WDR25: variants seen among roughly 807,000 people sequenced by gnomAD.
The protein encoded by WDR25 is WD repeat-containing protein 25.
WDR25 carries 35 observed loss-of-function variants against 47.7 expected under a neutral mutation model. The observed-to-expected ratio is 0.73, with a 90% CI of 0.56 to 0.97. The LOEUF (loss-of-function observed/expected upper bound fraction) is 0.97. Among genes scored for constraint, WDR25 ranks in the 50% least tolerant of loss-of-function variants. The probability of loss-of-function intolerance (pLI) is 0.00; values close to 1 mark genes in which losing one functional copy is unlikely to be tolerated. For missense variants in WDR25, 634 were observed against 704.7 expected, an observed-to-expected ratio of 0.90 and a Z score of 1.14; for synonymous variants, 248 against 278.9, an observed-to-expected ratio of 0.89 and a Z score of 1.10.
rs1437548388 is a variant in WDR25, at chr14:100,381,086, A to G, written c.162A>G (p.Thr54=). The G allele has an allele frequency of 6.2e-7, 1 of 1,614,202 alleles. No individual in the cohort carries two copies. Among genetic ancestry groups the G allele is most frequent in the South Asian group, 1.1e-5 (1 of 91,086 alleles). Residue 54 remains threonine, a synonymous_variant, in exon 2 of 7, where the codon ACA becomes ACG. Coordinates refer to ENST00000402312, the MANE Select transcript of WDR25 (RefSeq NM_001161476.3). The part of the protein sequence containing the change: ...RPPGQDFASG[T]LDVPKAGAQP... ...CTGGGCAGGATTTTGCATCTGGTACACTGGATGTGCCCAAAGCAGGGGCAC... is the reference window on the plus strand; with the variant it reads ...CTGGGCAGGATTTTGCATCTGGTACGCTGGATGTGCCCAAAGCAGGGGCAC...
chr14:100,481,673 C>T (rs1278668152), intron 3 of WDR25, among the ~76,000 whole-genome samples: 1 of 152,078 alleles, frequency 6.6e-6, no homozygotes, highest in African/African-American at 2.4e-5. Flanking sequence ...CTTCTATTCC[C>T]TTGTTTTTTA....
chr14:100,413,571 G>A lies in WDR25; in HGVS notation c.822+31825G>A, dbSNP rs186307582. The stretch of plus-strand genomic sequence containing the variant: ...TGGGACTACAGGCGCCCACCACCAC[G>A]CCCGGCTAATTTTTTGTATTTTTAG... On this transcript the variant is annotated intron_variant, in intron 2 of 6. Coordinates refer to ENST00000402312, the MANE Select transcript of WDR25 (RefSeq NM_001161476.3). Among the ~76,000 whole-genome samples the A allele has an allele frequency of 6.5e-3, 981 of 152,016 alleles. 7 individuals carry two copies. The highest frequency in any genetic ancestry group is 0.011 in the Non-Finnish European group (733 of 67,972).
At chr14:100,510,066 G>A (rs1199476268) in intron 4 of WDR25, among the ~76,000 whole-genome samples, 2 of 151,186 alleles carry the variant, frequency 1.3e-5, no homozygotes, top group Non-Finnish European at 3.0e-5. Context: ...AGGTCAGGAG[G>A]TCGAGACCAG....
chr14:100,465,600 A>T (rs1899603091), intron 2 of WDR25, among the ~76,000 whole-genome samples: 1 of 152,208 alleles, frequency 6.6e-6, no homozygotes, highest in South Asian at 2.1e-4. Flanking sequence ...TTTACAATTC[A>T]TTCATCCATC....
At chr14:100,409,409 A>C (rs1897639879) in intron 2 of WDR25, among the ~76,000 whole-genome samples, 1 of 152,028 alleles carries the variant, frequency 6.6e-6, no homozygotes, top group Non-Finnish European at 1.5e-5. Context: ...CTATGTCACC[A>C]TGCAGAGGAC....
chr14:100,465,120 C>G (rs1899584032), intron 2 of WDR25, among the ~76,000 whole-genome samples: 2 of 152,076 alleles, frequency 1.3e-5, no homozygotes, highest in South Asian at 4.1e-4. Flanking sequence ...GTTTTTATAG[C>G]CTGGCTACAA....
At chr14:100,379,219 CA>C (rs1184324841) in intron 1 of WDR25, among the ~76,000 whole-genome samples, 2 of 152,134 alleles carry the variant, frequency 1.3e-5, no homozygotes, top group Non-Finnish European at 2.9e-5. Context: ...ATACATCTAG[CA>C]AACATATGCT....
chr14:100,396,701 G>A (rs1393775863), intron 2 of WDR25, among the ~76,000 whole-genome samples: 3 of 152,236 alleles, frequency 2.0e-5, no homozygotes, highest in Non-Finnish European at 1.5e-5. Flanking sequence ...GATCATAGGA[G>A]AGGCCAGGGG....
In WDR25 at chr14:100,424,535, T is replaced by G. The variant is rs945106888; in HGVS notation, c.822+42789T>G. ...ACCTGGGAGCAGGCCCCACACCAGG[T>G]GTGACATGCCTGTGCTCAGCCAAGG... On this transcript the variant is annotated intron_variant, in intron 2 of 6. Transcript: ENST00000402312. The surrounding 1 kb of genome is among the most constrained non-coding windows in gnomAD (Gnocchi z 4.2). 1.3e-5 allele frequency among the ~76,000 whole-genome samples: 2 copies of G among 152,154 alleles called. No homozygotes were observed. The highest frequency in any genetic ancestry group is 4.8e-5 in the African/African-American group (2 of 41,424).
chr14:100,486,720 G>A (rs543837560), intron 4 of WDR25, among the ~76,000 whole-genome samples: 11 of 152,344 alleles, frequency 7.2e-5, no homozygotes, highest in Non-Finnish European at 1.5e-4. Flanking sequence ...GGGCGTGTAT[G>A]TGAACATCCA....
intron 1 of WDR25, among the ~76,000 whole-genome samples, chr14:100,377,314 T>TTGTTGTTGTTGTTG (rs1419670298): frequency 5.7e-4 from 64 of 111,558 alleles, no homozygotes; most frequent in Middle Eastern, 4.6e-3. Context: ...TGTTGTTGTT[T>TTGTTGTTGTTGTTG]TTTGAGACCA....
In WDR25 at chr14:100,404,354, C is replaced by T. The variant is rs1897470246; in HGVS notation, c.822+22608C>T. 6.6e-6 allele frequency among the ~76,000 whole-genome samples: 1 copy of T among 152,238 alleles called. No homozygotes were observed. The highest frequency in any genetic ancestry group is 1.5e-5 in the Non-Finnish European group (1 of 68,038). ...GTAAGTGTAAAGCAGATGTTTGGAA[C>T]CTGGGTTCTCATTTTCCTGTAGAAT... On this transcript the variant is annotated intron_variant, in intron 2 of 6. Transcript: ENST00000402312. This position sits in a 1 kb window ranked among gnomAD's most constrained non-coding sequence, Gnocchi z 4.6.
intron 4 of WDR25, among the ~76,000 whole-genome samples, chr14:100,491,774 TCCGTGCCTGGTGTCAGGA>T (rs1900574890): frequency 1.3e-5 from 2 of 152,224 alleles, no homozygotes; most frequent in South Asian, 2.1e-4. Context: ...CATGTGCAGC[TCCGTGCCTGGTGTCAGGA>T]CCTGGCCATG....
At chr14:100,390,364 G>A (rs1269104018) in intron 2 of WDR25, among the ~76,000 whole-genome samples, 2 of 150,450 alleles carry the variant, frequency 1.3e-5, no homozygotes, top group East Asian at 2.0e-4. Context: ...AGGGAGGGAG[G>A]ACCTAAAAAG....
intron 4 of WDR25, among the ~76,000 whole-genome samples, chr14:100,486,784 G>A (rs1900401431): frequency 6.6e-6 from 1 of 152,188 alleles, no homozygotes; most frequent in African/African-American, 2.4e-5. Context: ...GGTGGGAATC[G>A]CAGGTGTAAG....
chr14:100,418,601 C>T (rs1396012137), intron 2 of WDR25, among the ~76,000 whole-genome samples: 1 of 150,388 alleles, frequency 6.6e-6, no homozygotes, highest in African/African-American at 2.4e-5. Context: ...TGTGCCACTG[C>T]ACTCTAGCCT....
At chr14:100,445,507 T>G (rs970107058) in intron 2 of WDR25, among the ~76,000 whole-genome samples, 2 of 152,090 alleles carry the variant, frequency 1.3e-5, no homozygotes, top group African/African-American at 4.8e-5. Context: ...TTTGTAAAGG[T>G]GAAAAGAAGA....
chr14:100,448,187 C>A (rs1392078979), intron 2 of WDR25, among the ~76,000 whole-genome samples: 6 of 129,058 alleles, frequency 4.6e-5, no homozygotes, highest in Middle Eastern at 3.6e-3. Flanking sequence ...GAGCAAAACT[C>A]CGTCTCAAAA....
rs112192786 is a variant in WDR25, at chr14:100,460,186, T to C, written c.823-7835T>C. Reference sequence around the variant, plus strand: ...GGAGTGCAGTGGCGCGATCTCGGCTTACTGCAAGCTCCACCTCCTGGGTTC... The same window carrying C: ...GGAGTGCAGTGGCGCGATCTCGGCTCACTGCAAGCTCCACCTCCTGGGTTC... On this transcript the variant is annotated intron_variant, in intron 2 of 6. Coordinates refer to ENST00000402312, the MANE Select transcript of WDR25 (RefSeq NM_001161476.3). Among the ~76,000 whole-genome samples, 738 of 151,024 alleles carry C rather than the reference T, an allele frequency of 4.9e-3. 10 individuals carry two copies. Among genetic ancestry groups the C allele is most frequent in the African/African-American group, 0.017 (693 of 41,156 alleles).
Sources: gnomAD v4.1 joint callset for allele counts (sites outside exome capture counted in the v4.1 genomes callset) on GRCh38, gnomAD v4.1.1 for gene constraint, Gnocchi (gnomAD v3.1) non-coding constraint, MANE v1.5 for transcripts, NCBI Gene and HGNC (gene_info 2026-07-23, HGNC 2026-07-21) for gene names.